The following EEPD1 variants were observed in gnomAD, a reference collection of about 807,000 sequenced individuals.
The protein encoded by EEPD1 is endonuclease/exonuclease/phosphatase family domain-containing protein 1.
EEPD1 carries 17 observed loss-of-function variants against 46.3 expected under a neutral mutation model. The ratio of observed to expected loss-of-function variants is 0.37; its 90% confidence interval spans 0.25 to 0.55. The LOEUF is 0.55. Among genes scored for constraint, EEPD1 ranks in the 20% least tolerant of loss-of-function variants. EEPD1 has a pLI of 0.83. For synonymous variants in EEPD1, 313 were observed against 315.6 expected, an observed-to-expected ratio of 0.99 and a Z score of 0.09; for missense variants, 673 against 745.6, an observed-to-expected ratio of 0.90 and a Z score of 1.13.
intron 2 of EEPD1, among the ~76,000 whole-genome samples, chr7:36,163,605 C>A (rs567929307): frequency 1.1e-3 from 170 of 152,238 alleles, no homozygotes; most frequent in African/African-American, 4.0e-3. Flanking sequence ...TCAGGCTGGG[C>A]GCGGTGGCTC....
intron 2 of EEPD1, among the ~76,000 whole-genome samples, chr7:36,216,786 T>G (rs1786035983): frequency 6.6e-6 from 1 of 152,200 alleles, no homozygotes; most frequent in Non-Finnish European, 1.5e-5. Context: ...TGACAGTAAT[T>G]TACAACATTA....
intron 5 of EEPD1, among the ~76,000 whole-genome samples, chr7:36,285,766 A>G (rs1763510691): frequency 6.6e-6 from 1 of 152,158 alleles, no homozygotes; most frequent in African/African-American, 2.4e-5. Flanking sequence ...CTCAAACCCC[A>G]GCCCAGGGAG....
chr7:36,231,720 A>G (rs529361690), intron 2 of EEPD1, among the ~76,000 whole-genome samples: 1 of 152,316 alleles, frequency 6.6e-6, no homozygotes, highest in Non-Finnish European at 1.5e-5. Flanking sequence ...AGCAGAAGAA[A>G]GGCGGGGAGG....
intron 2 of EEPD1, among the ~76,000 whole-genome samples, chr7:36,224,392 C>T (rs969042512): frequency 6.6e-6 from 1 of 152,132 alleles, no homozygotes; most frequent in Admixed American, 6.5e-5. Context: ...TCAGTCCACT[C>T]ATAATAGCTG....
intron 3 of EEPD1, among the ~76,000 whole-genome samples, chr7:36,273,603 T>A (rs947207093): frequency 1.3e-5 from 2 of 152,084 alleles, no homozygotes; most frequent in African/African-American, 2.4e-5. Flanking sequence ...GTTTTAATGT[T>A]TATGAGACTC....
rs958683013 is a variant in EEPD1, at chr7:36,225,177, A to G, written c.879-13808A>G. Among the ~76,000 whole-genome samples the G allele has an allele frequency of 1.3e-5, 2 of 152,222 alleles. No homozygotes were observed. Among genetic ancestry groups the G allele is most frequent in the African/African-American group, 4.8e-5 (2 of 41,452 alleles). ...TGAGGGAATGACTTTCTGTTGTGTT[A>G]AGTCACCAAGTTTGTGATAATTTGT... On this transcript the variant is annotated intron_variant, in intron 2 of 7. Coordinates refer to ENST00000242108, the MANE Select transcript of EEPD1 (RefSeq NM_030636.3). This position sits in a 1 kb window ranked among gnomAD's most constrained non-coding sequence, Gnocchi z 4.2.
chr7:36,290,916 C>CATCT (rs1219300195), intron 6 of EEPD1, among the ~76,000 whole-genome samples: 1 of 152,234 alleles, frequency 6.6e-6, no homozygotes. Context: ...GGCTCCTGCG[C>CATCT]ATCTACCTGT....
chr7:36,189,352 C>G (rs917088287), intron 2 of EEPD1, among the ~76,000 whole-genome samples: 1 of 152,112 alleles, frequency 6.6e-6, no homozygotes, highest in African/African-American at 2.4e-5. Context: ...ATTCCAAATG[C>G]TAAGAAAAAC....
At chr7:36,235,737 A>T (rs1786420749) in intron 2 of EEPD1, among the ~76,000 whole-genome samples, 1 of 152,204 alleles carries the variant, frequency 6.6e-6, no homozygotes, top group Non-Finnish European at 1.5e-5. Context: ...TTTTCTTTAT[A>T]TTCTTCTGAA....
intron 2 of EEPD1, among the ~76,000 whole-genome samples, chr7:36,221,658 T>C (rs899011121): frequency 5.9e-5 from 9 of 152,152 alleles, no homozygotes; most frequent in Admixed American, 5.9e-4. Context: ...CCAGTGTGAT[T>C]TTGAGGAATG....
chr7:36,273,129 T>TACAC (rs10578694), intron 3 of EEPD1, among the ~76,000 whole-genome samples: 18,072 of 148,428 alleles, frequency 0.12, 1,343 homozygotes, highest in Non-Finnish European at 0.17. Flanking sequence ...GGTGCATGCT[T>TACAC]ACACACACAC....
intron 2 of EEPD1, among the ~76,000 whole-genome samples, chr7:36,216,561 C>CCTG (rs1333422255): frequency 7.2e-5 from 11 of 152,188 alleles, no homozygotes; most frequent in Non-Finnish European, 1.6e-4. Context: ...CAGCTCTTGA[C>CCTG]CTGGCACACC....
chr7:36,300,777 C>A lies in EEPD1; in HGVS notation c.*1571C>A, dbSNP rs1314606241. 1.3e-5 allele frequency: 2 copies of A among 152,200 alleles called. No individual in the cohort carries two copies. The highest frequency in any genetic ancestry group is 2.9e-5 in the Non-Finnish European group (2 of 68,042). 9.4% of individuals were successfully genotyped at this position (152,200 alleles called of 1,614,324 possible). On this transcript the variant is annotated 3_prime_UTR_variant, in exon 8 of 8. Coordinates refer to ENST00000242108, the MANE Select transcript of EEPD1 (RefSeq NM_030636.3). ...CTGGTCTTGGGGACGGGAAGGGAACCCTCTTCCAGGAGCTCTAAGGGTACT... is the reference window on the plus strand; with the variant it reads ...CTGGTCTTGGGGACGGGAAGGGAACACTCTTCCAGGAGCTCTAAGGGTACT...
chr7:36,178,028 A>G (rs1445288106), intron 2 of EEPD1, among the ~76,000 whole-genome samples: 2 of 152,042 alleles, frequency 1.3e-5, no homozygotes, highest in East Asian at 3.9e-4. Context: ...CACAGTTTTT[A>G]TGTCTCAGTG....
rs371377014 is a variant in EEPD1 at position 36,154,601 on chromosome 7, C to G, written c.277C>G (p.Gln93Glu). 2 of 1,613,964 alleles carry G rather than the reference C, an allele frequency of 1.2e-6. No homozygotes were observed. Among genetic ancestry groups the G allele is most frequent in the African/African-American group, 2.7e-5 (2 of 74,904 alleles). The change falls in exon 2 of 8, where the codon CAG (glutamine) becomes GAG (glutamate). Residue 93 changes from glutamine (Q) to glutamate (E), a missense_variant. Coordinates refer to ENST00000242108, the MANE Select transcript of EEPD1 (RefSeq NM_030636.3). This position sits in a 1 kb window ranked among gnomAD's most constrained non-coding sequence, Gnocchi z 4.2. Reference protein sequence around the residue: ...VSGVGATKLEQVKFEICVSSK... With the variant: ...VSGVGATKLEEVKFEICVSSK... The stretch of plus-strand genomic sequence containing the variant: ...TGGTGTAGGCGCCACCAAGCTGGAG[C>G]AGGTCAAGTTTGAGATCTGTGTGAG...
At chr7:36,288,225 G>A (rs753946637) in intron 6 of EEPD1, among the ~76,000 whole-genome samples, 4 of 152,238 alleles carry the variant, frequency 2.6e-5, no homozygotes, top group South Asian at 4.1e-4. Context: ...TCTCTCTGGC[G>A]GGATACAGAG....
chr7:36,187,790 G>T (rs563351307), intron 2 of EEPD1, among the ~76,000 whole-genome samples: 1 of 151,954 alleles, frequency 6.6e-6, no homozygotes, highest in South Asian at 2.1e-4. Flanking sequence ...AATTGTGCTG[G>T]TATTTTTTTA....
chr7:36,185,950 A>G (rs1785354226), intron 2 of EEPD1, among the ~76,000 whole-genome samples: 1 of 152,248 alleles, frequency 6.6e-6, no homozygotes, highest in Admixed American at 6.5e-5. Context: ...CCCATTTAAC[A>G]CTGGAACAAG....
At chr7:36,291,867 A>C (rs1438097038) in intron 6 of EEPD1, among the ~76,000 whole-genome samples, 1 of 152,214 alleles carries the variant, frequency 6.6e-6, no homozygotes, top group Non-Finnish European at 1.5e-5. Flanking sequence ...AGCAGAGCCC[A>C]GGGGAATCCC....
Sources: allele counts gnomAD v4.1 joint callset (sites outside exome capture counted in the v4.1 genomes callset), GRCh38; gene constraint gnomAD v4.1.1; non-coding constraint Gnocchi (gnomAD v3.1); transcripts MANE v1.5; gene names NCBI Gene and HGNC (gene_info 2026-07-23, HGNC 2026-07-21).